The following PRUNE2 variants were observed in gnomAD, a reference collection of about 807,000 sequenced individuals.
PRUNE2 encodes prune homolog 2 with BCH domain, also known as protein prune homolog 2.
Under a neutral mutation model 252.0 loss-of-function variants are expected in PRUNE2, and 164 were observed. That is an observed-to-expected ratio of 0.65 (90% CI 0.57 to 0.74). PRUNE2 has a LOEUF of 0.74. PRUNE2 is among the 30% of genes least tolerant of loss of function. The pLI is 0.00. For synonymous variants in PRUNE2, 1,292 were observed against 1,350.2 expected, an observed-to-expected ratio of 0.96 and a Z score of 0.94; for missense variants, 3,495 against 3,711.0, an observed-to-expected ratio of 0.94 and a Z score of 1.51.
intron 6 of PRUNE2, among the ~76,000 whole-genome samples, chr9:76,743,842 G>T (rs532932727): frequency 1.3e-5 from 2 of 152,326 alleles, no homozygotes; most frequent in East Asian, 3.9e-4. Flanking sequence ...GAAGGTAGTT[G>T]AGGGTGTAAG....
chr9:76,755,994 C>T lies in PRUNE2; in HGVS notation c.757-42273G>A, dbSNP rs146317243. On this transcript the variant is annotated intron_variant, in intron 6 of 18. Transcript: ENST00000376718. ...CTGGGACTATAGGCGTGAGCCACCG[C>T]GCCTGGCCAGGGGATCATACTTTGA... 5.0e-3 allele frequency among the ~76,000 whole-genome samples: 754 copies of T among 152,240 alleles called. 6 individuals are homozygous for T. The highest frequency in any genetic ancestry group is 0.017 in the African/African-American group (724 of 41,532).
At chr9:76,637,151 T>TA (rs1386198194) in intron 14 of PRUNE2, among the ~76,000 whole-genome samples, 1 of 152,222 alleles carries the variant, frequency 6.6e-6, no homozygotes, top group Non-Finnish European at 1.5e-5. Context: ...GAAGTAAATG[T>TA]AAAATAGAAT....
intron 1 of PRUNE2, among the ~76,000 whole-genome samples, chr9:76,858,229 C>T (rs1275503732): frequency 6.6e-6 from 1 of 152,194 alleles, no homozygotes; most frequent in Non-Finnish European, 1.5e-5. Context: ...AAATCCCATC[C>T]CTCACTGCAC....
chr9:76,776,893 T>TACACACAC lies in PRUNE2; in HGVS notation c.756+46731_756+46738dup, dbSNP rs541232508. Among the ~76,000 whole-genome samples, 325 of 115,662 alleles carry TACACACAC rather than the reference T, an allele frequency of 2.8e-3. 4 individuals carry two copies. The highest frequency in any genetic ancestry group is 6.0e-3 in the East Asian group (26 of 4,342). 75.9% of individuals were successfully genotyped at this position (115,662 alleles called of 152,430 possible). A position where few individuals can be genotyped will look rare whatever the true frequency, so the allele number is the denominator to read the frequency against. On this transcript the variant is annotated intron_variant, in intron 6 of 18. Coordinates refer to ENST00000376718, the MANE Select transcript of PRUNE2 (RefSeq NM_015225.3). ...GTTTCTTTCTCATTACCAAAACACA[T>TACACACAC]ACACACACACACACACACACACACA...
In PRUNE2 at chr9:76,711,365, G is replaced by A; in HGVS notation, c.916-7C>T. ...CTTCCAGCTCACAGCAAATCTGTCG[G>A]AAGGCACAGGAATTTGTGTCAGCAC... On this transcript the variant is annotated splice_region_variant and splice_polypyrimidine_tract_variant and intron_variant, in intron 7 of 18. Transcript: ENST00000376718. The A allele has an allele frequency of 1.9e-6, 3 of 1,593,790 alleles. No individual in the cohort carries two copies. Among genetic ancestry groups the A allele is most frequent in the Non-Finnish European group, 2.6e-6 (3 of 1,167,926 alleles).
intron 9 of PRUNE2, among the ~76,000 whole-genome samples, chr9:76,669,799 C>T (rs1385193697): frequency 1.3e-5 from 2 of 152,158 alleles, no homozygotes; most frequent in Non-Finnish European, 2.9e-5. Context: ...GGATGCACCC[C>T]AGTACTCCTA....
intron 9 of PRUNE2, among the ~76,000 whole-genome samples, chr9:76,676,340 C>T (rs551380943): frequency 5.5e-4 from 76 of 138,058 alleles, no homozygotes; most frequent in Non-Finnish European, 1.1e-3. Context: ...TTAAATATAG[C>T]ATGAAACACA....
At chr9:76,715,713 A>G (rs1336303477) in intron 6 of PRUNE2, among the ~76,000 whole-genome samples, 1 of 152,230 alleles carries the variant, frequency 6.6e-6, no homozygotes, top group Non-Finnish European at 1.5e-5. Context: ...AAATTAATTC[A>G]TCCACAATAG....
At chr9:76,771,971 G>A (rs2053161901) in intron 6 of PRUNE2, among the ~76,000 whole-genome samples, 2 of 152,212 alleles carry the variant, frequency 1.3e-5, no homozygotes, top group African/African-American at 2.4e-5. Context: ...TCATGAAGAT[G>A]CCAAACACAA....
chr9:76,768,382 G>A (rs1410292985), intron 6 of PRUNE2, among the ~76,000 whole-genome samples: 2 of 151,838 alleles, frequency 1.3e-5, no homozygotes, highest in Non-Finnish European at 1.5e-5. Flanking sequence ...TAGTAGTGAC[G>A]GGGGTTCACC....
chr9:76,677,505 C>T (rs1209893158), intron 9 of PRUNE2, among the ~76,000 whole-genome samples: 2 of 152,188 alleles, frequency 1.3e-5, no homozygotes, highest in Non-Finnish European at 2.9e-5. Flanking sequence ...AAACCGTCAG[C>T]TCCTAAAGGG....
chr9:76,659,001 G>A (rs779212477), intron 9 of PRUNE2, among the ~76,000 whole-genome samples: 1 of 152,188 alleles, frequency 6.6e-6, no homozygotes, highest in African/African-American at 2.4e-5. Flanking sequence ...GAGAGATGTC[G>A]CTTCTGAGCA....
Position 76,706,332 on chromosome 9 carries a change from C to T in PRUNE2, c.5942G>A (p.Ser1981Asn). 2 of 1,614,002 alleles carry T rather than the reference C, an allele frequency of 1.2e-6. No individual in the cohort carries two copies. The highest frequency in any genetic ancestry group is 2.2e-5 in the South Asian group (2 of 91,092). The change falls in exon 8 of 19, where the codon AGT (serine) becomes AAT (asparagine). Residue 1981 changes from serine (S) to asparagine (N), a missense_variant. Physicochemically the swap from Ser to Asn is conservative, Grantham distance 46 (BLOSUM62 1). Transcript: ENST00000376718. Reference sequence around the variant, plus strand: ...AGTTGAAACATTAGATGTAACACAACTATTTTCCTCTGCGTGAGTAAAGGC... The same window carrying T: ...AGTTGAAACATTAGATGTAACACAATTATTTTCCTCTGCGTGAGTAAAGGC... ...DTAFTHAEENSCVTSNVSTNE... is the reference protein window; with the variant it reads ...DTAFTHAEENNCVTSNVSTNE...
chr9:76,894,387 C>T (rs115386250), intron 1 of PRUNE2, among the ~76,000 whole-genome samples: 76 of 152,278 alleles, frequency 5.0e-4, no homozygotes, highest in African/African-American at 1.1e-3. Context: ...GGGGACAGAA[C>T]GGGATTTGCC....
chr9:76,645,081 C>T, intron 11 of PRUNE2, 172 bp from the exon 12 acceptor site: 2 of 609,430 alleles, frequency 3.3e-6, no homozygotes, highest in Non-Finnish European at 5.8e-6. Flanking sequence ...CTTTACAGAG[C>T]TTAGCACTAT....
chr9:76,773,685 C>A (rs2053378286), intron 6 of PRUNE2, among the ~76,000 whole-genome samples: 1 of 152,120 alleles, frequency 6.6e-6, no homozygotes. Flanking sequence ...CTCAGGTGAT[C>A]CACCTGACTC....
intron 6 of PRUNE2, among the ~76,000 whole-genome samples, chr9:76,797,756 CTA>C (rs2056227936): frequency 6.6e-6 from 1 of 151,436 alleles, no homozygotes; most frequent in South Asian, 2.1e-4. Flanking sequence ...AGTTCTGGTG[CTA>C]TGTTTCTGGA....
rs113689435 is a variant in PRUNE2, at chr9:76,713,728, C to T, written c.757-7G>A. On this transcript the variant is annotated splice_polypyrimidine_tract_variant and splice_region_variant and intron_variant, in intron 6 of 18. Transcript: ENST00000376718. The stretch of plus-strand genomic sequence containing the variant: ...TGCTGTGAAATAGACAATTCTGAAA[C>T]GACAACAGGAAATTTGATATTAATG... The T allele has an allele frequency of 3.6e-3, 5,733 of 1,580,856 alleles. 85 individuals are homozygous for T. The highest frequency in any genetic ancestry group is 0.036 in the South Asian group (3,066 of 84,976).
intron 1 of PRUNE2, among the ~76,000 whole-genome samples, chr9:76,855,613 G>A (rs990926477): frequency 1.3e-5 from 2 of 152,206 alleles, no homozygotes; most frequent in African/African-American, 2.4e-5. Context: ...AGGGGGCTAG[G>A]TTAGTCTATC....
Sources: allele counts gnomAD v4.1 joint callset (sites outside exome capture counted in the v4.1 genomes callset), GRCh38; gene constraint gnomAD v4.1.1; transcripts MANE v1.5; gene names NCBI Gene and HGNC (gene_info 2026-07-23, HGNC 2026-07-21).